The following ITGA8 variants were observed in gnomAD, a reference collection of about 807,000 sequenced individuals.
The protein encoded by ITGA8 is integrin subunit alpha 8, also known as integrin alpha-8.
In ITGA8, 91 loss-of-function variants were observed where a neutral mutation model predicts 142.3. The observed-to-expected ratio is 0.64, with a 90% confidence interval of 0.54 to 0.76. The LOEUF (loss-of-function observed/expected upper bound fraction) is 0.76. Among genes scored for constraint, ITGA8 ranks in the 30% least tolerant of loss-of-function variants. ITGA8 has a pLI of 0.00. For missense variants in ITGA8, 1,406 were observed against 1,327.7 expected (o/e 1.06, Z -0.92); for synonymous variants, 505 against 485.2 (o/e 1.04, Z -0.54).
At chr10:15,546,716 AAAGG>A (rs749909627) in intron 27 of ITGA8, among the ~76,000 whole-genome samples, 14 of 152,018 alleles carry the variant, frequency 9.2e-5, no homozygotes, top group Non-Finnish European at 1.6e-4. Context: ...ATAAAGTAAG[AAAGG>A]AAGGAAGGAA....
chr10:15,536,641 G>T (rs534268662), intron 27 of ITGA8, among the ~76,000 whole-genome samples: 1 of 152,246 alleles, frequency 6.6e-6, no homozygotes, highest in African/African-American at 2.4e-5. Context: ...ACCCAGCTGG[G>T]GTTAATATCC....
intron 5 of ITGA8, 94 bp downstream of exon 5, chr10:15,678,625 TTGG>T (rs1427062386): frequency 1.1e-4 from 84 of 771,564 alleles, no homozygotes; most frequent in South Asian, 1.5e-4. Context: ...CTTTGGTTCT[TTGG>T]TGGTGGTGGT....
intron 15 of ITGA8, among the ~76,000 whole-genome samples, chr10:15,609,955 T>G (rs1053014573): frequency 6.6e-6 from 1 of 152,198 alleles, no homozygotes; most frequent in Admixed American, 6.5e-5. Context: ...TGGGATGGTA[T>G]ATAGTTGATA....
intron 8 of ITGA8, among the ~76,000 whole-genome samples, chr10:15,665,054 T>C (rs1315018122): frequency 6.6e-6 from 1 of 152,202 alleles, no homozygotes; most frequent in East Asian, 1.9e-4. Flanking sequence ...CTGGGTCAAA[T>C]GGTATTTCTA....
chr10:15,671,879 CAAAAAAA>C (rs34588118), intron 7 of ITGA8, among the ~76,000 whole-genome samples: 2 of 79,730 alleles, frequency 2.5e-5, no homozygotes, highest in East Asian at 8.5e-4. Flanking sequence ...AGGAGCAAAG[CAAAAAAA>C]AAAAAAAAAA....
At chr10:15,667,455 T>C (rs1025819017) in intron 8 of ITGA8, among the ~76,000 whole-genome samples, 11 of 152,162 alleles carry the variant, frequency 7.2e-5, no homozygotes, top group Non-Finnish European at 1.0e-4. Flanking sequence ...TTTGTTGATC[T>C]TTTCAAAAAA....
chr10:15,529,684 C>T (rs1290592344), intron 28 of ITGA8, among the ~76,000 whole-genome samples: 3 of 152,180 alleles, frequency 2.0e-5, no homozygotes, highest in Non-Finnish European at 4.4e-5. Flanking sequence ...TAGAGAAACA[C>T]AAATCAAGTG....
chr10:15,608,426 CA>C lies in ITGA8; in HGVS notation c.1554-137del, dbSNP rs1361203523. On this transcript the variant is annotated intron_variant, in intron 15 of 29. Transcript: ENST00000378076. ...TTACACACACACACACACACACACC[CA>C]CACACACACCCCTTCTACCAATTGA... The C allele has an allele frequency of 1.8e-5, 10 of 549,690 alleles. No individual in the cohort carries two copies. The East Asian group carries it at 2.3e-4, about 12-fold the overall frequency. The allele number at this position is 549,690 out of a possible 1,614,324, so 34.1% of individuals were successfully genotyped here.
chr10:15,573,731 G>A lies in ITGA8; in HGVS notation c.2479-1362C>T, dbSNP rs574000750. 3.4e-4 allele frequency among the ~76,000 whole-genome samples: 51 copies of A among 152,190 alleles called. No homozygotes were observed. The South Asian group carries it at 5.4e-3, about 16-fold the overall frequency. ...CAGAATTACTAGATTAGAGGCATGA[G>A]TTACATAGGAAAGGAACAGAAGGCA... On this transcript the variant is annotated intron_variant, in intron 24 of 29. Coordinates refer to ENST00000378076, the MANE Select transcript of ITGA8 (RefSeq NM_003638.3).
At chr10:15,558,313 A>G (rs1439271354) in intron 25 of ITGA8, 111 bp from the exon 26 acceptor site, 5 of 1,251,672 alleles carry the variant, frequency 4.0e-6, no homozygotes, top group Non-Finnish European at 5.5e-6. Context: ...TATGATTCAC[A>G]TGAGGATCCA....
At chr10:15,575,964 AGT>A (rs761559396) in intron 23 of ITGA8, among the ~76,000 whole-genome samples, 129 of 142,304 alleles carry the variant, frequency 9.1e-4, no homozygotes, top group East Asian at 5.2e-3. Flanking sequence ...TGTGTGTGTG[AGT>A]GTGTGTGTGT....
At chr10:15,545,495 T>A (rs1244016146) in intron 27 of ITGA8, among the ~76,000 whole-genome samples, 2 of 152,178 alleles carry the variant, frequency 1.3e-5, no homozygotes, top group African/African-American at 4.8e-5. Context: ...CACATGATGA[T>A]AAAGAAGCCA....
chr10:15,551,017 G>A (rs933069945), intron 26 of ITGA8, among the ~76,000 whole-genome samples: 11 of 152,100 alleles, frequency 7.2e-5, no homozygotes, highest in Non-Finnish European at 1.6e-4. Context: ...GAGGTTACAT[G>A]GAGAATGCTC....
At chr10:15,588,445 A>T (rs1202750660) in intron 22 of ITGA8, among the ~76,000 whole-genome samples, 1 of 152,198 alleles carries the variant, frequency 6.6e-6, no homozygotes, top group African/African-American at 2.4e-5. Context: ...ATCTGGGATC[A>T]GTCAACTAAA....
At chr10:15,688,113 A>C in intron 2 of ITGA8, 75 bp from the exon 3 acceptor site, 2 of 999,858 alleles carry the variant, frequency 2.0e-6, no homozygotes, top group Non-Finnish European at 3.2e-6. Flanking sequence ...AAATTTGTAC[A>C]TTAAAAATAC....
At chr10:15,679,946 C>G (rs1339965848) in intron 4 of ITGA8, among the ~76,000 whole-genome samples, 6 of 152,314 alleles carry the variant, frequency 3.9e-5, no homozygotes, top group Admixed American at 3.9e-4. Context: ...TAGAGGGAAT[C>G]TCAATCCTGC....
At chr10:15,693,205 C>G (rs1356337227) in intron 2 of ITGA8, among the ~76,000 whole-genome samples, 1 of 152,160 alleles carries the variant, frequency 6.6e-6, no homozygotes, top group Non-Finnish European at 1.5e-5. Context: ...TAATGAGTTT[C>G]AAAAGACATT....
At chr10:15,632,671 A>G (rs1433162747) in intron 13 of ITGA8, among the ~76,000 whole-genome samples, 2 of 152,176 alleles carry the variant, frequency 1.3e-5, no homozygotes. Context: ...ACAGCTTGAA[A>G]TCAATCATGG....
At chr10:15,699,593 G>GT (rs1407855581) in intron 2 of ITGA8, among the ~76,000 whole-genome samples, 6 of 152,080 alleles carry the variant, frequency 3.9e-5, no homozygotes, top group Non-Finnish European at 5.9e-5. Flanking sequence ...ACATTTGTGG[G>GT]TTTTTTTCCA....
Sources: gnomAD v4.1 joint callset for allele counts (sites outside exome capture counted in the v4.1 genomes callset) on GRCh38, gnomAD v4.1.1 for gene constraint, MANE v1.5 for transcripts, NCBI Gene and HGNC (gene_info 2026-07-23, HGNC 2026-07-21) for gene names.